CTSE: variants seen among roughly 807,000 people sequenced by gnomAD.
CTSE encodes erythrocyte membrane aspartic proteinase.
Under a neutral mutation model 42.8 loss-of-function variants are expected in CTSE, and 43 were observed. That is an observed-to-expected ratio of 1.01 (90% CI 0.79 to 1.30). The LOEUF is 1.30. Among genes scored for constraint, CTSE ranks in the 50% most tolerant of loss-of-function variants. The pLI is 0.00. For missense variants in CTSE, 532 were observed against 493.5 expected (o/e 1.08, Z -0.74); for synonymous variants, 205 against 191.5 (o/e 1.07, Z -0.58).
intron 4 of CTSE, among the ~76,000 whole-genome samples, chr1:206,016,672 G>A (rs1328067206): frequency 6.6e-6 from 1 of 151,966 alleles, no homozygotes; most frequent in African/African-American, 2.4e-5. Context: ...ATATGACCTG[G>A]CACTATTTAA....
intron 1 of CTSE, 43 bp downstream of exon 1, chr1:206,023,681 A>C: frequency 6.3e-7 from 1 of 1,590,590 alleles, no homozygotes; most frequent in Non-Finnish European, 8.6e-7. Flanking sequence ...GTTGCAGGGC[A>C]TGGGACTACC....
chr1:206,023,657 C>T, intron 1 of CTSE, 67 bp downstream of exon 1: 1 of 1,497,146 alleles, frequency 6.7e-7, no homozygotes, highest in Non-Finnish European at 9.3e-7. Flanking sequence ...TTTCCTACCC[C>T]AGAGCAGCCC....
At chr1:206,019,383 C>G (rs1661348805) in intron 4 of CTSE, among the ~76,000 whole-genome samples, 2 of 151,960 alleles carry the variant, frequency 1.3e-5, no homozygotes, top group African/African-American at 4.8e-5. Context: ...CTCACTGTCC[C>G]CAAGTCTCCA....
chr1:206,011,353 C>G (rs1661095370), intron 8 of CTSE, among the ~76,000 whole-genome samples: 1 of 151,982 alleles, frequency 6.6e-6, no homozygotes, highest in African/African-American at 2.4e-5. Flanking sequence ...TGATTTCCAC[C>G]TGGGCAGGGA....
intron 8 of CTSE, 81 bp from the exon 9 acceptor site, chr1:206,010,428 T>A: frequency 7.7e-7 from 1 of 1,299,372 alleles, no homozygotes; most frequent in Non-Finnish European, 1.1e-6. Flanking sequence ...TGTGTGGTGG[T>A]GGTGGCTGGC....
chr1:206,021,976 G>C (rs1385160928), intron 3 of CTSE, among the ~76,000 whole-genome samples, 174 bp downstream of exon 3: 1 of 152,056 alleles, frequency 6.6e-6, no homozygotes, highest in Non-Finnish European at 1.5e-5. Context: ...CCTTGGCTTT[G>C]CTCTATCTCT....
At position 206,009,941 on chromosome 1, in the gene CTSE, G is replaced by A; in HGVS notation, c.*242C>T. ...ATAATCAAAAATCAATACAAAATAT[G>A]AATGTATAACGTAATTCCTCCATCA... On this transcript the variant is annotated 3_prime_UTR_variant, in exon 9 of 9. Coordinates refer to ENST00000358184, the MANE Select transcript of CTSE (RefSeq NM_001910.4). 1 of 484,412 alleles carries A rather than the reference G, an allele frequency of 2.1e-6. No individual in the cohort carries two copies. Among genetic ancestry groups the A allele is most frequent in the South Asian group, 3.4e-5 (1 of 29,540 alleles). The allele number at this position is 484,412 out of a possible 1,614,324, so 30.0% of individuals were successfully genotyped here. A position where few individuals can be genotyped will look rare whatever the true frequency, so the allele number is the denominator to read the frequency against.
chr1:206,020,587 T>G (rs1232445061), intron 4 of CTSE, among the ~76,000 whole-genome samples: 3 of 152,072 alleles, frequency 2.0e-5, no homozygotes, highest in Non-Finnish European at 4.4e-5. Flanking sequence ...GCTCATGAGC[T>G]CAGCACTGAG....
chr1:206,022,324 C>A, intron 2 of CTSE, 57 bp from the exon 3 acceptor site: 1 of 1,297,114 alleles, frequency 7.7e-7, no homozygotes, highest in Non-Finnish European at 1.1e-6. Context: ...GACAAGGGTG[C>A]TCACCAGGAA....
At chr1:206,020,745 G>A (rs1247662627) in intron 4 of CTSE, among the ~76,000 whole-genome samples, 1 of 152,084 alleles carries the variant, frequency 6.6e-6, no homozygotes, top group Non-Finnish European at 1.5e-5. Flanking sequence ...CGGAGACGTG[G>A]TTTTATCTCC....
intron 2 of CTSE, 49 bp downstream of exon 2, chr1:206,022,852 C>G: frequency 6.6e-7 from 1 of 1,504,630 alleles, no homozygotes; most frequent in South Asian, 1.3e-5. Context: ...AATGCTGGGC[C>G]TTCCTCCCGC....
chr1:206,010,874 G>A (rs1553276856), intron 8 of CTSE, among the ~76,000 whole-genome samples: 2 of 152,234 alleles, frequency 1.3e-5, no homozygotes, highest in Non-Finnish European at 2.9e-5. Flanking sequence ...TTGTTCAAGA[G>A]AAGAGTGTCA....
intron 3 of CTSE, 132 bp from the exon 4 acceptor site, chr1:206,021,299 C>A (rs572969734): frequency 1.7e-4 from 119 of 685,518 alleles, no homozygotes; most frequent in Middle Eastern, 7.5e-4. Context: ...CCCCTAGAAG[C>A]CTGGTGATGC....
At chr1:206,013,947 G>A (rs1661194579) in intron 5 of CTSE, 53 bp from the exon 6 acceptor site, 6 of 1,600,242 alleles carry the variant, frequency 3.7e-6, no homozygotes, top group Non-Finnish European at 4.3e-6. Flanking sequence ...AAAACTCTAG[G>A]GGTGAGCCTC....
chr1:206,014,934 G>T (rs529946446), intron 5 of CTSE, among the ~76,000 whole-genome samples: 1 of 152,002 alleles, frequency 6.6e-6, no homozygotes, highest in Non-Finnish European at 1.5e-5. Flanking sequence ...TGGGAGAGGG[G>T]AATGAGAGGA....
At position 206,023,002 on chromosome 1, in the gene CTSE, G is replaced by A. The variant is rs1553278702; in HGVS notation, c.124C>T (p.Leu42Phe). The A allele has an allele frequency of 1.2e-6, 2 of 1,613,180 alleles. No individual in the cohort carries two copies. The highest frequency in any genetic ancestry group is 1.7e-5 in the Admixed American group (1 of 59,968). Residue 42 changes from leucine to phenylalanine, a missense_variant, in exon 2 of 9, where the codon CTC (leucine) becomes TTC (phenylalanine). Coordinates refer to ENST00000358184, the MANE Select transcript of CTSE (RefSeq NM_001910.4). ...TTATGGGATTTCCAGAACTCAGAGAGCTGGCTCCGTGCCCGCAGCTTCTTC... is the reference window on the plus strand; with the variant it reads ...TTATGGGATTTCCAGAACTCAGAGAACTGGCTCCGTGCCCGCAGCTTCTTC... The part of the protein sequence containing the change: ...LKKKLRARSQ[L>F]SEFWKSHNLD...
chr1:206,015,982 ATGT>A lies in CTSE; in HGVS notation c.608_610del (p.Asn203del). 1 of 1,613,868 alleles carries A rather than the reference ATGT, an allele frequency of 6.2e-7. No individual in the cohort carries two copies. Among genetic ancestry groups the A allele is most frequent in the Non-Finnish European group, 8.5e-7 (1 of 1,179,898 alleles). ...CAAGTCCACCAGGTTCTGAGCCATC[ATGT>A]TGTCAAATACTGGAGTCACTCCTCC... is the stretch of plus-strand genomic sequence containing the variant. On this transcript the variant is annotated inframe_deletion, in exon 5 of 9. Transcript: ENST00000358184.
rs1661253084 is a variant in CTSE at position 206,016,035 on chromosome 1, G to A, written c.558C>T (p.Gly186=). 6.2e-7 allele frequency: 1 copy of A among 1,613,754 alleles called. No homozygotes were observed. Among genetic ancestry groups the A allele is most frequent in the Non-Finnish European group, 8.5e-7 (1 of 1,179,864 alleles). ...CCACAGCCAAGGAGGGGTATCCCAG[G>A]CCCAGAATTCCATCAAACTCTGCAT... ...FVDAEFDGIL[G]LGYPSLAVGG... is the part of the protein sequence containing the mutation. Residue 186 remains glycine, a synonymous_variant, in exon 5 of 9, where the codon GGC becomes GGT. Coordinates refer to ENST00000358184, the MANE Select transcript of CTSE (RefSeq NM_001910.4).
chr1:206,011,280 C>T (rs959597760), intron 8 of CTSE, among the ~76,000 whole-genome samples: 2 of 152,034 alleles, frequency 1.3e-5, no homozygotes, highest in African/African-American at 4.8e-5. Context: ...CGCACCTCCC[C>T]TCCCCTGGCT....
Sources: allele counts gnomAD v4.1 joint callset (sites outside exome capture counted in the v4.1 genomes callset), GRCh38; gene constraint gnomAD v4.1.1; transcripts MANE v1.5; gene names NCBI Gene and HGNC (gene_info 2026-07-23, HGNC 2026-07-21).